DPT: variants seen among roughly 807,000 people sequenced by gnomAD.
The protein encoded by DPT is tyrosine-rich acidic matrix protein.
In DPT, 21 loss-of-function variants were observed where a neutral mutation model predicts 31.2. That is an observed-to-expected ratio of 0.67 (90% confidence interval 0.48 to 0.97). The LOEUF is 0.97. Ranked by LOEUF, DPT falls within the 50% of genes least tolerant of loss-of-function variation. DPT has a pLI of 0.00. For synonymous variants in DPT, 91 were observed against 86.9 expected (o/e 1.05, Z -0.26); for missense variants, 262 against 258.8 (o/e 1.01, Z -0.08).
At chr1:168,717,975 G>T (rs1432459470) in intron 1 of DPT, among the ~76,000 whole-genome samples, 1 of 152,214 alleles carries the variant, frequency 6.6e-6, no homozygotes, top group Non-Finnish European at 1.5e-5. Context: ...TAGGTGAGAG[G>T]TAATTTCAAT....
chr1:168,700,965 T>C, intron 3 of DPT, 52 bp downstream of exon 3: 2 of 1,249,324 alleles, frequency 1.6e-6, no homozygotes, highest in Non-Finnish European at 2.3e-6. Context: ...TGCAGGGAGT[T>C]AGTCCCAACT....
intron 2 of DPT, among the ~76,000 whole-genome samples, chr1:168,708,573 T>G (rs1054917715): frequency 6.6e-6 from 1 of 152,254 alleles, no homozygotes; most frequent in East Asian, 1.9e-4. Flanking sequence ...TCTTCATTTT[T>G]ATTTTTTTAT....
chr1:168,729,177 T>A lies in DPT; in HGVS notation c.-3A>T. 1 of 1,610,236 alleles carries A rather than the reference T, an allele frequency of 6.2e-7. No individual in the cohort carries two copies. The highest frequency in any genetic ancestry group is 8.5e-7 in the Non-Finnish European group (1 of 1,177,392). ...ACCCAGAGAAGACTGAGGTCCATGC[T>A]GCCTGGGATTTTGGCAAACAATGTC... On this transcript the variant is annotated 5_prime_UTR_variant, in exon 1 of 4. Coordinates refer to ENST00000367817, the MANE Select transcript of DPT (RefSeq NM_001937.5).
chr1:168,699,565 C>T (rs1361641570), intron 3 of DPT, among the ~76,000 whole-genome samples: 2 of 149,558 alleles, frequency 1.3e-5, no homozygotes, highest in African/African-American at 2.5e-5. Flanking sequence ...TATATTGTGC[C>T]TTTCCAGAGC....
At position 168,696,302 on chromosome 1, in the gene DPT, C is replaced by A. The variant is rs1202901682; in HGVS notation, c.*247G>T. 5.3e-6 allele frequency: 3 copies of A among 565,070 alleles called. No individual in the cohort carries two copies. Among genetic ancestry groups the A allele is most frequent in the Non-Finnish European group, 6.2e-6 (2 of 321,976 alleles). 35.0% of individuals were successfully genotyped at this position (565,070 alleles called of 1,614,324 possible). On this transcript the variant is annotated 3_prime_UTR_variant, in exon 4 of 4. Transcript: ENST00000367817. ...TATATGTGGTGTGCAAGGAAGCCAT[C>A]ATCAGTCATATAAAGCAGTTGCTAT...
chr1:168,709,840 G>A (rs1285288876), intron 2 of DPT, among the ~76,000 whole-genome samples: 2 of 152,142 alleles, frequency 1.3e-5, no homozygotes, highest in African/African-American at 2.4e-5. Flanking sequence ...GTGGGAAGGT[G>A]CAGGAAAAAG....
At chr1:168,697,876 A>C (rs1436674315) in intron 3 of DPT, among the ~76,000 whole-genome samples, 1 of 152,320 alleles carries the variant, frequency 6.6e-6, no homozygotes, top group African/African-American at 2.4e-5. Context: ...TCTTTCTCTT[A>C]AACCACACAG....
intron 1 of DPT, among the ~76,000 whole-genome samples, chr1:168,724,529 T>C: frequency 6.6e-6 from 1 of 152,028 alleles, no homozygotes; most frequent in East Asian, 1.9e-4. Flanking sequence ...TATATTTTAG[T>C]GAGGGAGACA....
intron 1 of DPT, among the ~76,000 whole-genome samples, chr1:168,715,611 G>A (rs1649965375): frequency 1.3e-5 from 2 of 152,290 alleles, no homozygotes; most frequent in East Asian, 1.9e-4. Flanking sequence ...ACAAAGAGAA[G>A]CACAATGTAT....
chr1:168,717,871 T>G (rs564037275), intron 1 of DPT, among the ~76,000 whole-genome samples: 1 of 152,328 alleles, frequency 6.6e-6, no homozygotes, highest in South Asian at 2.1e-4. Context: ...GCAAGCTATA[T>G]GAGTGGAATG....
intron 1 of DPT, among the ~76,000 whole-genome samples, chr1:168,727,010 C>T (rs1650260480): frequency 6.6e-6 from 1 of 152,256 alleles, no homozygotes; most frequent in Admixed American, 6.5e-5. Flanking sequence ...AGCCCCTCCA[C>T]AGTCCTGGTA....
intron 2 of DPT, among the ~76,000 whole-genome samples, chr1:168,705,454 C>G (rs1037505390): frequency 6.6e-6 from 1 of 152,252 alleles, no homozygotes; most frequent in East Asian, 1.9e-4. Flanking sequence ...AAAGCACACA[C>G]CACAGACTCC....
intron 2 of DPT, among the ~76,000 whole-genome samples, chr1:168,706,092 C>T (rs1649712253): frequency 6.6e-6 from 1 of 152,174 alleles, no homozygotes; most frequent in African/African-American, 2.4e-5. Flanking sequence ...ACTAATACAT[C>T]AGCACTATAT....
intron 1 of DPT, among the ~76,000 whole-genome samples, chr1:168,721,547 C>T (rs536718924): frequency 4.2e-4 from 64 of 152,280 alleles, no homozygotes; most frequent in African/African-American, 1.3e-3. Context: ...CAGGATTGAA[C>T]TTCTCCAATT....
intron 3 of DPT, among the ~76,000 whole-genome samples, chr1:168,697,098 C>T (rs1009906766): frequency 4.0e-5 from 6 of 151,682 alleles, no homozygotes; most frequent in African/African-American, 1.5e-4. Context: ...CCTGACTCCA[C>T]AAAAAAATAC....
At chr1:168,727,603 G>C (rs79197126) in intron 1 of DPT, among the ~76,000 whole-genome samples, 1 of 149,890 alleles carries the variant, frequency 6.7e-6, no homozygotes. Flanking sequence ...AGTGGTGCGA[G>C]CATGGCTCAC....
chr1:168,719,912 A>G (rs948942571), intron 1 of DPT, among the ~76,000 whole-genome samples: 1 of 151,994 alleles, frequency 6.6e-6, no homozygotes, highest in Non-Finnish European at 1.5e-5. Flanking sequence ...GAAAGTCACA[A>G]GGTAATTACT....
intron 2 of DPT, among the ~76,000 whole-genome samples, chr1:168,706,369 A>G (rs630159): frequency 0.42 from 64,611 of 152,108 alleles, 13,873 homozygotes; most frequent in East Asian, 0.51. Flanking sequence ...ATCCTCTTGC[A>G]TAATGCTTTT....
intron 3 of DPT, among the ~76,000 whole-genome samples, chr1:168,697,188 C>T (rs6698634): frequency 0.029 from 4,342 of 152,072 alleles, 90 homozygotes; most frequent in African/African-American, 0.045. Context: ...TGCTGGAGTC[C>T]GGGAGGTTGA....
Sources: allele counts gnomAD v4.1 joint callset (sites outside exome capture counted in the v4.1 genomes callset), GRCh38; gene constraint gnomAD v4.1.1; transcripts MANE v1.5; gene names NCBI Gene and HGNC (gene_info 2026-07-23, HGNC 2026-07-21).